The following SIM1 variants were observed in gnomAD, a reference collection of about 807,000 sequenced individuals.
SIM1 encodes single-minded homolog 1.
In SIM1, 18 loss-of-function variants were observed where a neutral mutation model predicts 78.2. That is an observed-to-expected ratio of 0.23 (90% confidence interval 0.16 to 0.34). The LOEUF (loss-of-function observed/expected upper bound fraction) is 0.34. SIM1 is among the 10% of genes least tolerant of loss of function. The pLI is 1.00. For missense variants in SIM1, 939 were observed against 975.1 expected (o/e 0.96, Z 0.49); for synonymous variants, 417 against 385.2 (o/e 1.08, Z -0.97).
intron 11 of SIM1, 29 bp from the exon 12 acceptor site, chr6:100,391,120 T>C: frequency 6.5e-7 from 1 of 1,546,582 alleles, no homozygotes; most frequent in South Asian, 1.3e-5. Context: ...CAAAAGTAAG[T>C]GATCTCAGAA....
rs1770609232 is a variant in SIM1, at chr6:100,390,509, A to G, written c.2153T>C (p.Leu718Pro). Residue 718 changes from leucine (L) to proline (P), a missense_variant, in exon 12 of 12, where the codon CTG becomes CCG. Around this residue, in one of 5 missense-constraint regions of SIM1, gnomAD observed 556 missense variants for 521.9 expected, o/e 1.07. Coordinates refer to ENST00000369208, the MANE Select transcript of SIM1 (RefSeq NM_005068.3). The part of the protein sequence containing the change: ...KHAYTLTGYA[L>P]EHLYDSETIR... The stretch of plus-strand genomic sequence containing the variant: ...GGTTTCGCTGTCATATAAGTGCTCC[A>G]GGGCATATCCAGTTAATGTGTAAGC... 6.2e-7 allele frequency: 1 copy of G among 1,614,180 alleles called. No individual in the cohort carries two copies. The highest frequency in any genetic ancestry group is 1.1e-5 in the South Asian group (1 of 91,088).
At position 100,425,644 on chromosome 6, in the gene SIM1, C is replaced by T. The variant is rs558760374; in HGVS notation, c.999-4686G>A. On this transcript the variant is annotated intron_variant, in intron 9 of 11. Transcript: ENST00000369208. ...ACTTTTAGAATTCTATTAAATTGAGCGTTTCATTTGTATAGCTTTAAGGGC... is the reference window on the plus strand; with the variant it reads ...ACTTTTAGAATTCTATTAAATTGAGTGTTTCATTTGTATAGCTTTAAGGGC... Among the ~76,000 whole-genome samples, 475 of 152,232 alleles carry T rather than the reference C, an allele frequency of 3.1e-3. 2 individuals are homozygous for T. Among genetic ancestry groups the T allele is most frequent in the Admixed American group, 0.011 (164 of 15,298 alleles).
chr6:100,451,538 T>A (rs1017600204), intron 3 of SIM1, among the ~76,000 whole-genome samples: 1 of 152,202 alleles, frequency 6.6e-6, no homozygotes, highest in Admixed American at 6.5e-5. Flanking sequence ...TTGTTTAATT[T>A]TATTTTGTTT....
intron 10 of SIM1, among the ~76,000 whole-genome samples, chr6:100,401,821 TG>T (rs1175449718): frequency 6.6e-6 from 1 of 152,206 alleles, no homozygotes; most frequent in African/African-American, 2.4e-5. Flanking sequence ...TCTGAAGAAA[TG>T]GAAACTTGTT....
chr6:100,393,918 T>C, intron 10 of SIM1, 29 bp from the exon 11 acceptor site: 1 of 1,513,878 alleles, frequency 6.6e-7, no homozygotes, highest in Non-Finnish European at 8.8e-7. Context: ...GAAAAGTCCA[T>C]TTCAAAAATC....
At chr6:100,436,737 T>C (rs1270109982) in intron 9 of SIM1, among the ~76,000 whole-genome samples, 2 of 145,474 alleles carry the variant, frequency 1.4e-5, no homozygotes, top group African/African-American at 5.1e-5. Context: ...GTTTTTGTTT[T>C]TGGTATTTTT....
chr6:100,397,617 A>T (rs1484173203), intron 10 of SIM1, among the ~76,000 whole-genome samples: 1 of 152,178 alleles, frequency 6.6e-6, no homozygotes. Context: ...GGACTAGGTA[A>T]GGAGTTTTTA....
chr6:100,439,809 C>A (rs1772159493), intron 9 of SIM1, among the ~76,000 whole-genome samples: 1 of 152,204 alleles, frequency 6.6e-6, no homozygotes, highest in African/African-American at 2.4e-5. Flanking sequence ...ACCTTCCACA[C>A]TCTCTAGCAC....
At chr6:100,431,827 A>G (rs999819736) in intron 9 of SIM1, among the ~76,000 whole-genome samples, 2 of 152,202 alleles carry the variant, frequency 1.3e-5, no homozygotes, top group Non-Finnish European at 2.9e-5. Context: ...GCGTTTATTC[A>G]TATTTTAATC....
chr6:100,430,938 C>T (rs1239924917), intron 9 of SIM1, among the ~76,000 whole-genome samples: 1 of 152,182 alleles, frequency 6.6e-6, no homozygotes, highest in Non-Finnish European at 1.5e-5. Flanking sequence ...TTTTCCACAA[C>T]ACTGGGAAAT....
At chr6:100,438,037 C>G (rs1343632983) in intron 9 of SIM1, among the ~76,000 whole-genome samples, 1 of 152,068 alleles carries the variant, frequency 6.6e-6, no homozygotes, top group East Asian at 1.9e-4. Flanking sequence ...AAAAACTCCT[C>G]TGAACATGGA....
chr6:100,459,759 G>A (rs1189490734), intron 2 of SIM1, among the ~76,000 whole-genome samples: 1 of 152,178 alleles, frequency 6.6e-6, no homozygotes, highest in African/African-American at 2.4e-5. Flanking sequence ...CCAAGATTCT[G>A]AATAGCTATA....
rs138762670 is a variant in SIM1 at position 100,456,988 on chromosome 6, G to T, written c.176-3144C>A. On this transcript the variant is annotated intron_variant, in intron 2 of 11. Transcript: ENST00000369208. ...CCACTAAAATTGACCTAATCCCACA[G>T]GCACCATTTAGGCCCGTTCTTGGCG... Among the ~76,000 whole-genome samples the T allele has an allele frequency of 2.0e-5, 3 of 152,324 alleles. No homozygotes were observed. The East Asian group carries it at 5.8e-4, about 29-fold the overall frequency.
At chr6:100,404,802 G>T (rs892699299) in intron 10 of SIM1, among the ~76,000 whole-genome samples, 1 of 152,120 alleles carries the variant, frequency 6.6e-6, no homozygotes, top group South Asian at 2.1e-4. Flanking sequence ...ACTAATGTCA[G>T]AATCAAATGT....
intron 6 of SIM1, among the ~76,000 whole-genome samples, 188 bp from the exon 7 acceptor site, chr6:100,448,866 T>C (rs765794185): frequency 3.3e-5 from 5 of 152,214 alleles, no homozygotes; most frequent in Non-Finnish European, 7.3e-5. Flanking sequence ...ACAGCCACAC[T>C]GAACTCACCT....
chr6:100,402,096 A>G (rs1194284205), intron 10 of SIM1, among the ~76,000 whole-genome samples: 1 of 152,208 alleles, frequency 6.6e-6, no homozygotes, highest in Non-Finnish European at 1.5e-5. Context: ...AATATGTATA[A>G]CAGCACTAAA....
intron 10 of SIM1, among the ~76,000 whole-genome samples, chr6:100,394,487 C>G (rs1342811255): frequency 6.6e-6 from 1 of 152,150 alleles, no homozygotes; most frequent in African/African-American, 2.4e-5. Flanking sequence ...CTCACTGCAG[C>G]CTCCACCTCC....
At chr6:100,427,108 A>G (rs920354543) in intron 9 of SIM1, 1 of 152,236 alleles carries the variant, frequency 6.6e-6, no homozygotes, top group African/African-American at 2.4e-5. Flanking sequence ...CCTTCTTTAT[A>G]TTCTGGCAGA....
intron 9 of SIM1, among the ~76,000 whole-genome samples, chr6:100,431,737 T>C (rs1242133644): frequency 1.3e-5 from 2 of 152,230 alleles, no homozygotes; most frequent in Non-Finnish European, 2.9e-5. Context: ...AGCAGGTTTT[T>C]ATGATTTATA....
Sources: allele counts gnomAD v4.1 joint callset (sites outside exome capture counted in the v4.1 genomes callset), GRCh38; gene constraint gnomAD v4.1.1; regional missense constraint gnomAD v4.1.1; transcripts MANE v1.5; gene names NCBI Gene and HGNC (gene_info 2026-07-23, HGNC 2026-07-21).